The following KHDRBS2 variants were observed in gnomAD, a reference collection of about 807,000 sequenced individuals.
The protein encoded by KHDRBS2 is KH domain-containing, RNA-binding, signal transduction-associated protein 2.
KHDRBS2 carries 26 observed loss-of-function variants against 44.3 expected under a neutral mutation model. That is an observed-to-expected ratio of 0.59 (90% CI 0.43 to 0.81). The LOEUF (loss-of-function observed/expected upper bound fraction) is 0.81. Among genes scored for constraint, KHDRBS2 ranks in the 40% least tolerant of loss-of-function variants. The pLI is 0.00. For missense variants in KHDRBS2, 476 were observed against 433.1 expected (o/e 1.10, Z -0.88); for synonymous variants, 194 against 151.1 (o/e 1.28, Z -2.08).
intron 4 of KHDRBS2, among the ~76,000 whole-genome samples, chr6:61,968,396 C>T (rs1352808675): frequency 2.0e-5 from 3 of 151,964 alleles, no homozygotes; most frequent in Non-Finnish European, 1.5e-5. Flanking sequence ...TTTAAAACAA[C>T]CGTGAAGTGA....
the KHDRBS2 span, among the ~76,000 whole-genome samples, chr6:61,548,245 CA>C: frequency 3.3e-5 from 5 of 151,976 alleles, no homozygotes; most frequent in Non-Finnish European, 7.4e-5. Context: ...AGGAACAAGC[CA>C]AAACATGAGA....
At chr6:62,254,375 A>C (rs1837032734) in intron 1 of KHDRBS2, among the ~76,000 whole-genome samples, 1 of 152,078 alleles carries the variant, frequency 6.6e-6, no homozygotes, top group African/African-American at 2.4e-5. Flanking sequence ...AGGCGATAAG[A>C]TATGCATAAT....
chr6:61,886,637 G>T (rs999348715), intron 6 of KHDRBS2, among the ~76,000 whole-genome samples: 1 of 152,066 alleles, frequency 6.6e-6, no homozygotes, highest in African/African-American at 2.4e-5. Context: ...TCAATTCAAA[G>T]CACTTTACTT....
At chr6:62,098,142 A>G (rs937937520) in intron 2 of KHDRBS2, among the ~76,000 whole-genome samples, 2 of 151,840 alleles carry the variant, frequency 1.3e-5, no homozygotes, top group African/African-American at 4.8e-5. Context: ...CCTTATCTTC[A>G]TTCTAAAGAT....
intron 6 of KHDRBS2, among the ~76,000 whole-genome samples, chr6:61,752,694 G>GAAC (rs1777891772): frequency 1.1e-5 from 1 of 90,242 alleles, no homozygotes; most frequent in Non-Finnish European, 2.5e-5. Flanking sequence ...AAAAAAAAAA[G>GAAC]AACAAAAATA....
chr6:62,052,213 C>A (rs562192895), intron 2 of KHDRBS2, among the ~76,000 whole-genome samples: 1 of 151,920 alleles, frequency 6.6e-6, no homozygotes, highest in South Asian at 2.1e-4. Context: ...ATTCATGATA[C>A]TAAAGATATG....
At chr6:61,754,668 A>G (rs1448536748) in intron 6 of KHDRBS2, among the ~76,000 whole-genome samples, 1 of 152,012 alleles carries the variant, frequency 6.6e-6, no homozygotes, top group Non-Finnish European at 1.5e-5. Flanking sequence ...TATTGTAAAA[A>G]GATTCAGTAT....
At chr6:62,177,054 T>C (rs1349829192) in intron 2 of KHDRBS2, 131 bp downstream of exon 2, 2 of 496,208 alleles carry the variant, frequency 4.0e-6, no homozygotes, top group Non-Finnish European at 6.7e-6. Context: ...CCTATGTCAG[T>C]ATCATGTGCT....
intron 6 of KHDRBS2, among the ~76,000 whole-genome samples, chr6:61,851,415 C>T (rs1349340941): frequency 6.6e-6 from 1 of 151,960 alleles, no homozygotes; most frequent in East Asian, 1.9e-4. Context: ...TGTTGAATTC[C>T]TAACCCCCAG....
chr6:61,557,043 A>G, the KHDRBS2 span, among the ~76,000 whole-genome samples: 1 of 152,064 alleles, frequency 6.6e-6, no homozygotes, highest in South Asian at 2.1e-4. Context: ...ACACAATAAA[A>G]AAGGCAAACA....
At chr6:61,770,867 T>C (rs1233678330) in intron 6 of KHDRBS2, among the ~76,000 whole-genome samples, 1 of 151,944 alleles carries the variant, frequency 6.6e-6, no homozygotes, top group Non-Finnish European at 1.5e-5. Context: ...GAAGAGCAAC[T>C]CCAAGACACA....
intron 2 of KHDRBS2, among the ~76,000 whole-genome samples, chr6:62,105,420 G>A (rs528916919): frequency 1.3e-4 from 20 of 152,128 alleles, no homozygotes; most frequent in Admixed American, 3.3e-4. Flanking sequence ...AGTCTTTTTG[G>A]TTGGTAAGCT....
At chr6:62,129,549 A>T (rs1192683917) in intron 2 of KHDRBS2, among the ~76,000 whole-genome samples, 2 of 152,190 alleles carry the variant, frequency 1.3e-5, no homozygotes, top group Admixed American at 1.3e-4. Context: ...ACAACTTCCA[A>T]GTTTAAAAAG....
At chr6:61,587,321 TC>T in the KHDRBS2 span, among the ~76,000 whole-genome samples, 1 of 152,024 alleles carries the variant, frequency 6.6e-6, no homozygotes. Context: ...CCAGGGACAG[TC>T]AGCTGGTGCT....
intron 6 of KHDRBS2, among the ~76,000 whole-genome samples, chr6:61,874,532 G>A (rs371994524): frequency 4.6e-5 from 7 of 151,966 alleles, no homozygotes; most frequent in African/African-American, 7.3e-5. Context: ...GTAACTAGTC[G>A]GTATTTGCTT....
intron 6 of KHDRBS2, among the ~76,000 whole-genome samples, chr6:61,817,798 C>A (rs1204827499): frequency 2.0e-5 from 3 of 152,022 alleles, no homozygotes; most frequent in Admixed American, 1.3e-4. Context: ...GAAGCTAGCT[C>A]TTTATATTTT....
At chr6:62,001,834 T>C (rs1425529075) in intron 3 of KHDRBS2, among the ~76,000 whole-genome samples, 1 of 152,152 alleles carries the variant, frequency 6.6e-6, no homozygotes, top group African/African-American at 2.4e-5. Context: ...TGTTTCAATT[T>C]TCTTTGTGCT....
At chr6:61,972,853 A>G (rs1280015656) in intron 4 of KHDRBS2, among the ~76,000 whole-genome samples, 1 of 152,172 alleles carries the variant, frequency 6.6e-6, no homozygotes, top group Non-Finnish European at 1.5e-5. Context: ...CACCTGCATA[A>G]AAGACTGATC....
At chr6:62,246,102 T>TTATATATATATATATATATATATA (rs150717074) in intron 1 of KHDRBS2, among the ~76,000 whole-genome samples, 2 of 124,350 alleles carry the variant, frequency 1.6e-5, no homozygotes, top group Non-Finnish European at 3.4e-5. Context: ...TCAATCAATT[T>TTATATATATATATATATATATATA]TATATATATA....
Sources: gnomAD v4.1 joint callset for allele counts (sites outside exome capture counted in the v4.1 genomes callset) on GRCh38, gnomAD v4.1.1 for gene constraint, MANE v1.5 for transcripts, NCBI Gene and HGNC (gene_info 2026-07-23, HGNC 2026-07-21) for gene names.